Variants in TMEM267 observed in about 807,000 individuals in gnomAD.
TMEM267 encodes transmembrane protein 267.
A neutral mutation model predicts 19.3 loss-of-function variants in TMEM267; 20 were observed. The observed-to-expected ratio is 1.04, with a 90% CI of 0.73 to 1.51. The LOEUF is 1.51. Among genes scored for constraint, TMEM267 ranks in the 40% most tolerant of loss-of-function variants. TMEM267 has a pLI of 0.00. For missense variants in TMEM267, 242 were observed against 261.9 expected (o/e 0.92, Z 0.52); for synonymous variants, 88 against 90.3 (o/e 0.97, Z 0.15).
chr5:43,445,044 A>C lies in TMEM267; in HGVS notation c.*1178T>G, dbSNP rs935074945. On this transcript the variant is annotated 3_prime_UTR_variant, in exon 3 of 3. Coordinates refer to ENST00000397080, the MANE Select transcript of TMEM267 (RefSeq NM_022483.5). Reference sequence around the variant, plus strand: ...CAATCACTAACATTATAAATCACAAAAGTGTAAGAAAATCTGAAGACAGCA... The same window carrying C: ...CAATCACTAACATTATAAATCACAACAGTGTAAGAAAATCTGAAGACAGCA... 9.9e-5 allele frequency: 15 copies of C among 152,164 alleles called. No individual in the cohort carries two copies. The highest frequency in any genetic ancestry group is 3.6e-4 in the African/African-American group (15 of 41,424). The allele number at this position is 152,164 out of a possible 1,614,324, so 9.4% of individuals were successfully genotyped here.
At chr5:43,447,929 T>C (rs1228835148) in intron 2 of TMEM267, among the ~76,000 whole-genome samples, 1 of 152,182 alleles carries the variant, frequency 6.6e-6, no homozygotes, top group East Asian at 1.9e-4. Context: ...GTATTGATTC[T>C]GGGGGAGACG....
chr5:43,465,077 C>T (rs1355078879), intron 1 of TMEM267, among the ~76,000 whole-genome samples: 1 of 152,100 alleles, frequency 6.6e-6, no homozygotes, highest in East Asian at 1.9e-4. Flanking sequence ...GGCTAATATC[C>T]AGAATCTACA....
chr5:43,447,742 C>G (rs1349338111), intron 2 of TMEM267, among the ~76,000 whole-genome samples: 1 of 152,180 alleles, frequency 6.6e-6, no homozygotes, highest in Non-Finnish European at 1.5e-5. Flanking sequence ...CTCTCTCACA[C>G]TTCCATCCAA....
chr5:43,463,129 T>C lies in TMEM267; in HGVS notation c.-74-9086A>G, dbSNP rs576405188. On this transcript the variant is annotated intron_variant, in intron 1 of 2. Coordinates refer to ENST00000397080, the MANE Select transcript of TMEM267 (RefSeq NM_022483.5). The stretch of plus-strand genomic sequence containing the variant: ...GATATCACCACTGATTCCACAGAAA[T>C]ACAAACTACCATCAGAGAATACTAG... 2.6e-5 allele frequency among the ~76,000 whole-genome samples: 4 copies of C among 152,198 alleles called. No homozygotes were observed. In the East Asian group the frequency reaches 5.8e-4, roughly 22 times the overall value.
chr5:43,464,847 A>C lies in TMEM267; in HGVS notation c.-74-10804T>G, dbSNP rs189543934. Among the ~76,000 whole-genome samples, 606 of 152,344 alleles carry C rather than the reference A, an allele frequency of 4.0e-3. 3 individuals carry two copies. Among genetic ancestry groups the C allele is most frequent in the Middle Eastern group, 0.01 (3 of 294 alleles). ...CTTAAGTGTTAGACCAAAAACCATA[A>C]AAACCCTAGAAGAAAACCTAGTCAA... is the stretch of plus-strand genomic sequence containing the variant. On this transcript the variant is annotated intron_variant, in intron 1 of 2. Transcript: ENST00000397080.
chr5:43,482,045 G>T (rs974484601), intron 1 of TMEM267, among the ~76,000 whole-genome samples: 1 of 152,090 alleles, frequency 6.6e-6, no homozygotes, highest in African/African-American at 2.4e-5. Flanking sequence ...GGTTTCACCC[G>T]TGTTAGCCAG....
At chr5:43,452,171 T>C (rs536342439) in intron 2 of TMEM267, among the ~76,000 whole-genome samples, 5 of 150,046 alleles carry the variant, frequency 3.3e-5, no homozygotes, top group African/African-American at 9.8e-5. Context: ...CTATACACAA[T>C]AGCAAAGTCA....
At chr5:43,456,936 T>C (rs1742987320) in intron 1 of TMEM267, among the ~76,000 whole-genome samples, 1 of 152,224 alleles carries the variant, frequency 6.6e-6, no homozygotes, top group Admixed American at 6.5e-5. Context: ...GGCTTACACA[T>C]GAATGTTCAT....
At chr5:43,451,821 TC>T (rs1350394814) in intron 2 of TMEM267, among the ~76,000 whole-genome samples, 3 of 152,088 alleles carry the variant, frequency 2.0e-5, no homozygotes, top group Non-Finnish European at 4.4e-5. Flanking sequence ...ATGCCTGTAA[TC>T]CCAGCACTTT....
intron 1 of TMEM267, among the ~76,000 whole-genome samples, chr5:43,463,834 G>C (rs1018070043): frequency 3.3e-5 from 5 of 152,034 alleles, no homozygotes; most frequent in East Asian, 3.9e-4. Context: ...TATGACAAAC[G>C]CACAGCCAAT....
chr5:43,449,550 GA>G (rs1742456928), intron 2 of TMEM267, among the ~76,000 whole-genome samples: 1 of 152,194 alleles, frequency 6.6e-6, no homozygotes, highest in Admixed American at 6.5e-5. Context: ...CAATTTAGTA[GA>G]GCTATTACTG....
chr5:43,484,234 G>C (rs1471017770), upstream of TMEM267: 1 of 152,244 alleles, frequency 6.6e-6, no homozygotes, highest in Non-Finnish European at 1.5e-5. Flanking sequence ...TGGCCTCCCC[G>C]AATGCCAGGC....
chr5:43,475,022 C>G (rs534114177), intron 1 of TMEM267, among the ~76,000 whole-genome samples: 80 of 152,244 alleles, frequency 5.3e-4, no homozygotes, highest in African/African-American at 1.8e-3. Context: ...CAATCCCATT[C>G]CTGGGTATAT....
chr5:43,454,115 T>C, intron 1 of TMEM267, 72 bp from the exon 2 acceptor site: 1 of 1,057,818 alleles, frequency 9.5e-7, no homozygotes. Context: ...CAAAACAGTA[T>C]CAGCAATAAT....
At chr5:43,465,492 A>T (rs374525039) in intron 1 of TMEM267, among the ~76,000 whole-genome samples, 8 of 152,166 alleles carry the variant, frequency 5.3e-5, no homozygotes, top group African/African-American at 9.7e-5. Flanking sequence ...TAAATCATGC[A>T]GCTATAAAGA....
chr5:43,469,119 G>A (rs1481185201), intron 1 of TMEM267, among the ~76,000 whole-genome samples: 2 of 151,916 alleles, frequency 1.3e-5, no homozygotes, highest in East Asian at 1.9e-4. Context: ...TCAAAAAAGA[G>A]GAACTTCGTA....
intron 1 of TMEM267, among the ~76,000 whole-genome samples, chr5:43,479,439 T>C (rs1414142128): frequency 1.3e-5 from 2 of 151,896 alleles, no homozygotes; most frequent in East Asian, 3.8e-4. Context: ...CCAGGAGTAA[T>C]TAAACAACTC....
intron 1 of TMEM267, among the ~76,000 whole-genome samples, chr5:43,482,857 C>G (rs535670673): frequency 6.6e-6 from 1 of 152,160 alleles, no homozygotes; most frequent in African/African-American, 2.4e-5. Flanking sequence ...TTTAATTATA[C>G]GCTATCATGT....
Position 43,445,407 on chromosome 5 carries a change from T to C in TMEM267, c.*815A>G, listed in dbSNP as rs1221270081. On this transcript the variant is annotated 3_prime_UTR_variant, in exon 3 of 3. Coordinates refer to ENST00000397080, the MANE Select transcript of TMEM267 (RefSeq NM_022483.5). ...ATTTCTGGTCTTTTTTTTGCATAAA[T>C]TCAAATGTTACGGTTATGATCCAAA... 1 of 152,124 alleles carries C rather than the reference T, an allele frequency of 6.6e-6. No individual in the cohort carries two copies. Among genetic ancestry groups the C allele is most frequent in the Non-Finnish European group, 1.5e-5 (1 of 67,976 alleles). The allele number at this position is 152,124 out of a possible 1,614,324, so 9.4% of individuals were successfully genotyped here. A position where few individuals can be genotyped will look rare whatever the true frequency, so the allele number is the denominator to read the frequency against.
Sources: gnomAD v4.1 joint callset for allele counts (sites outside exome capture counted in the v4.1 genomes callset) on GRCh38, gnomAD v4.1.1 for gene constraint, MANE v1.5 for transcripts, NCBI Gene and HGNC (gene_info 2026-07-23, HGNC 2026-07-21) for gene names.